The following PRKN variants were observed in gnomAD, a reference collection of about 807,000 sequenced individuals.
PRKN encodes parkin RBR E3 ubiquitin protein ligase.
Under a neutral mutation model 59.5 loss-of-function variants are expected in PRKN, and 56 were observed. The observed-to-expected ratio is 0.94, with a 90% CI of 0.76 to 1.18. The LOEUF (loss-of-function observed/expected upper bound fraction) is 1.18. PRKN is among the 50% of genes most tolerant of loss of function. PRKN has a pLI of 0.00. For synonymous variants in PRKN, 250 were observed against 222.1 expected (o/e 1.13, Z -1.12); for missense variants, 657 against 596.4 (o/e 1.10, Z -1.06).
chr6:161,902,397 A>C (rs1328486671), intron 6 of PRKN, among the ~76,000 whole-genome samples: 1 of 152,124 alleles, frequency 6.6e-6, no homozygotes, highest in African/African-American at 2.4e-5. Context: ...TAAGAAGTCT[A>C]ACCTAAATGG....
chr6:162,135,852 T>G (rs2128309206), intron 4 of PRKN, among the ~76,000 whole-genome samples: 1 of 152,260 alleles, frequency 6.6e-6, no homozygotes, highest in East Asian at 1.9e-4. Context: ...TGCAAACCAC[T>G]TTATTTAAAG....
intron 4 of PRKN, among the ~76,000 whole-genome samples, chr6:162,108,600 G>A (rs939595477): frequency 1.3e-5 from 2 of 152,118 alleles, no homozygotes; most frequent in African/African-American, 4.8e-5. Context: ...TACCATATAT[G>A]TAATATTAAA....
At chr6:162,400,231 C>T (rs75595770) in intron 2 of PRKN, among the ~76,000 whole-genome samples, 1 of 140,116 alleles carries the variant, frequency 7.1e-6, no homozygotes, top group Non-Finnish European at 1.6e-5. Flanking sequence ...CAAACAACAA[C>T]AAAAAAAAAA....
intron 4 of PRKN, among the ~76,000 whole-genome samples, chr6:162,112,615 C>T (rs1780487913): frequency 6.6e-6 from 1 of 152,050 alleles, no homozygotes; most frequent in South Asian, 2.1e-4. Flanking sequence ...TCTTCCATCA[C>T]ACTTTAGATA....
intron 4 of PRKN, among the ~76,000 whole-genome samples, chr6:162,119,694 T>C (rs1464470730): frequency 6.6e-6 from 1 of 152,056 alleles, no homozygotes; most frequent in Non-Finnish European, 1.5e-5. Context: ...AAGGAGCCAG[T>C]GGCAAGCGGG....
chr6:162,039,778 C>T (rs1047730182), intron 5 of PRKN, among the ~76,000 whole-genome samples: 13 of 152,122 alleles, frequency 8.5e-5, no homozygotes, highest in South Asian at 6.2e-4. Flanking sequence ...AAAACTATGA[C>T]GTACACACAC....
At chr6:162,556,377 G>A (rs965174982) in intron 1 of PRKN, among the ~76,000 whole-genome samples, 1 of 144,440 alleles carries the variant, frequency 6.9e-6, no homozygotes, top group Non-Finnish European at 1.6e-5. Flanking sequence ...GTGTGTGTGT[G>A]TGTGTGTGTG....
intron 4 of PRKN, among the ~76,000 whole-genome samples, chr6:162,176,170 T>C (rs1783523103): frequency 6.6e-6 from 1 of 152,122 alleles, no homozygotes; most frequent in Non-Finnish European, 1.5e-5. Flanking sequence ...GAGGGGCCTA[T>C]TAAGATTTGG....
At chr6:162,361,312 G>A (rs929542523) in intron 2 of PRKN, among the ~76,000 whole-genome samples, 5 of 152,088 alleles carry the variant, frequency 3.3e-5, no homozygotes, top group African/African-American at 4.8e-5. Flanking sequence ...CAATGTGATC[G>A]TATTTGGAGG....
chr6:161,642,291 G>A (rs2128158872), intron 7 of PRKN, among the ~76,000 whole-genome samples: 1 of 152,242 alleles, frequency 6.6e-6, no homozygotes. Flanking sequence ...TAGATTTAGA[G>A]TTTTCATGAT....
chr6:162,338,422 C>A (rs994807579), intron 2 of PRKN, among the ~76,000 whole-genome samples: 1 of 152,158 alleles, frequency 6.6e-6, no homozygotes, highest in African/African-American at 2.4e-5. Flanking sequence ...GCCGCCATGC[C>A]TGACTGGTTT....
At chr6:162,568,396 C>T (rs750301933) in intron 1 of PRKN, 1 of 489,262 alleles carries the variant, frequency 2.0e-6, no homozygotes, top group Non-Finnish European at 3.8e-6. Context: ...TCAGGGTGAC[C>T]CAGAAGTCCT....
intron 6 of PRKN, among the ~76,000 whole-genome samples, chr6:161,837,274 C>A (rs902301467): frequency 2.6e-5 from 4 of 151,986 alleles, no homozygotes; most frequent in African/African-American, 9.7e-5. Flanking sequence ...CTGCTAATGG[C>A]CTGGGTTGAA....
At chr6:162,031,401 A>T (rs778939096) in intron 5 of PRKN, among the ~76,000 whole-genome samples, 5 of 134,052 alleles carry the variant, frequency 3.7e-5, no homozygotes, top group Non-Finnish European at 7.6e-5. Context: ...CCCTCTCAAC[A>T]TCTAATCCTT....
intron 6 of PRKN, among the ~76,000 whole-genome samples, chr6:161,833,253 C>T (rs966382018): frequency 1.3e-5 from 2 of 152,110 alleles, no homozygotes; most frequent in African/African-American, 4.8e-5. Context: ...TGGGGCACCG[C>T]CAGATACAGT....
rs1403492862 is a variant in PRKN at position 161,498,784 on chromosome 6, G to C, written c.1083+50070C>G. 6.6e-6 allele frequency among the ~76,000 whole-genome samples: 1 copy of C among 152,212 alleles called. No individual in the cohort carries two copies. The highest frequency in any genetic ancestry group is 1.5e-5 in the Non-Finnish European group (1 of 68,046). ...GTTGAAGTTGTTTGTTACTGCAACA[G>C]ACTTTAGTCTGTGCTGACTAATACA... On this transcript the variant is annotated intron_variant, in intron 9 of 11. Coordinates refer to ENST00000366898, the MANE Select transcript of PRKN (RefSeq NM_004562.3). The surrounding 1 kb of genome is among the most constrained non-coding windows in gnomAD (Gnocchi z 4.2).
In PRKN at chr6:161,396,602, T is replaced by C. The variant is rs889210428; in HGVS notation, c.1084-9725A>G. ...TAAAACGCACAGCATATGTCTTCTA[T>C]AATTTTTAACTGGTCCCTAATCCTC... On this transcript the variant is annotated intron_variant, in intron 9 of 11. Transcript: ENST00000366898. The surrounding 1 kb of genome is among the most constrained non-coding windows in gnomAD (Gnocchi z 5.4). Among the ~76,000 whole-genome samples the C allele has an allele frequency of 1.3e-5, 2 of 152,214 alleles. No individual in the cohort carries two copies. Among genetic ancestry groups the C allele is most frequent in the African/African-American group, 4.8e-5 (2 of 41,440 alleles).
chr6:162,718,257 T>C (rs1208888280), intron 1 of PRKN, among the ~76,000 whole-genome samples: 2 of 152,194 alleles, frequency 1.3e-5, no homozygotes, highest in Non-Finnish European at 2.9e-5. Context: ...ATCCCCTCTC[T>C]GACTGACTTT....
chr6:161,347,979 G>C lies in PRKN; in HGVS notation c.*2120C>G. On this transcript the variant is annotated 3_prime_UTR_variant, in exon 12 of 12. Coordinates refer to ENST00000366898, the MANE Select transcript of PRKN (RefSeq NM_004562.3). ...AAAGGGAAAAGACCACCACCAAGAA[G>C]GGAAAGGAGACCATGCTGGACAGCC... 5.7e-6 allele frequency: 1 copy of C among 176,962 alleles called. No individual in the cohort carries two copies. The highest frequency in any genetic ancestry group is 1.2e-5 in the Non-Finnish European group (1 of 82,354). 11.0% of individuals were successfully genotyped at this position (176,962 alleles called of 1,614,324 possible).
Sources: gnomAD v4.1 joint callset for allele counts (sites outside exome capture counted in the v4.1 genomes callset) on GRCh38, gnomAD v4.1.1 for gene constraint, Gnocchi (gnomAD v3.1) non-coding constraint, MANE v1.5 for transcripts, NCBI Gene and HGNC (gene_info 2026-07-23, HGNC 2026-07-21) for gene names.